The following CRTAM variants were observed in gnomAD, a reference collection of about 807,000 sequenced individuals.
CRTAM encodes cytotoxic and regulatory T cell molecule.
CRTAM carries 44 observed loss-of-function variants against 50.0 expected under a neutral mutation model. The ratio of observed to expected loss-of-function variants is 0.88; its 90% CI spans 0.69 to 1.13. The LOEUF (loss-of-function observed/expected upper bound fraction) is 1.13, where lower values mean the gene tolerates loss of function less well. Ranked by LOEUF, CRTAM falls within the 50% of genes most tolerant of loss-of-function variation. The probability of loss-of-function intolerance (pLI) is 0.00; values close to 1 mark genes in which losing one functional copy is unlikely to be tolerated. For missense variants in CRTAM, 448 were observed against 457.5 expected (o/e 0.98, Z 0.19); for synonymous variants, 159 against 169.3 (o/e 0.94, Z 0.47).
intron 7 of CRTAM, among the ~76,000 whole-genome samples, chr11:122,865,415 T>C (rs1234565527): frequency 3.3e-5 from 5 of 152,156 alleles, no homozygotes; most frequent in African/African-American, 1.2e-4. Flanking sequence ...TCTCTCTTTT[T>C]TTTTTCTGGT....
At chr11:122,861,108 G>A (rs1029171172) in intron 5 of CRTAM, among the ~76,000 whole-genome samples, 1 of 151,928 alleles carries the variant, frequency 6.6e-6, no homozygotes, top group Non-Finnish European at 1.5e-5. Context: ...TCTGGCACCT[G>A]TGTGGTCAGA....
At chr11:122,867,674 C>A in intron 8 of CRTAM, 119 bp downstream of exon 8, 1 of 1,007,462 alleles carries the variant, frequency 9.9e-7, no homozygotes, top group Non-Finnish European at 1.4e-6. Context: ...TTGATAAGTG[C>A]TGTCTCAGAT....
At chr11:122,851,124 G>A (rs1861924317) in intron 2 of CRTAM, among the ~76,000 whole-genome samples, 1 of 152,050 alleles carries the variant, frequency 6.6e-6, no homozygotes, top group Non-Finnish European at 1.5e-5. Flanking sequence ...AATTAGCTGG[G>A]CGTGGTGGAG....
rs757174072 is a variant in CRTAM, at chr11:122,854,102, G to T, written c.490+16G>T. On this transcript the variant is annotated intron_variant, in intron 4 of 9. Coordinates refer to ENST00000227348, the MANE Select transcript of CRTAM (RefSeq NM_019604.4). ...GAAGTGTCCGGTAAGGGGAGAAATG[G>T]TTCTCTTTGTCTTCCTTCCTACTCA... 4 of 1,605,630 alleles carry T rather than the reference G, an allele frequency of 2.5e-6. No homozygotes were observed. The highest frequency in any genetic ancestry group is 2.5e-6 in the Non-Finnish European group (3 of 1,176,990).
intron 1 of CRTAM, among the ~76,000 whole-genome samples, chr11:122,841,233 T>C (rs1269521832): frequency 3.9e-5 from 6 of 152,160 alleles, no homozygotes; most frequent in African/African-American, 1.4e-4. Context: ...AAAACACACT[T>C]TTGCTTAATG....
At chr11:122,870,766 T>C (rs1253211312) in intron 9 of CRTAM, among the ~76,000 whole-genome samples, 1 of 152,240 alleles carries the variant, frequency 6.6e-6, no homozygotes, top group African/African-American at 2.4e-5. Context: ...ATATTGTTTA[T>C]ATAGTAAGAC....
intron 5 of CRTAM, among the ~76,000 whole-genome samples, chr11:122,861,422 T>G (rs11218868): frequency 9.8e-4 from 29 of 29,536 alleles, no homozygotes; most frequent in Admixed American, 2.1e-3. Flanking sequence ...ATATATATAT[T>G]TTTTTTTTTT....
intron 1 of CRTAM, among the ~76,000 whole-genome samples, chr11:122,843,749 GTGGCAATGAGAAGACCC>G (rs1861827329): frequency 6.6e-6 from 1 of 152,210 alleles, no homozygotes; most frequent in African/African-American, 2.4e-5. Flanking sequence ...TTGGTTTCCA[GTGGCAATGAGAAGACCC>G]TGGGGAACTT....
chr11:122,863,335 AAG>A (rs1491029458), intron 6 of CRTAM, among the ~76,000 whole-genome samples: 4 of 90,806 alleles, frequency 4.4e-5, no homozygotes, highest in East Asian at 4.2e-4. Flanking sequence ...GAAAGAAAGA[AAG>A]AAAGAAAGAA....
chr11:122,866,825 G>T (rs1487671654), intron 7 of CRTAM, among the ~76,000 whole-genome samples: 1 of 151,782 alleles, frequency 6.6e-6, no homozygotes, highest in Non-Finnish European at 1.5e-5. Context: ...TGCCCAGGCT[G>T]GTCTCAAACT....
chr11:122,852,487 T>G (rs1248438997), intron 3 of CRTAM, among the ~76,000 whole-genome samples: 13 of 152,228 alleles, frequency 8.5e-5, no homozygotes, highest in African/African-American at 2.4e-5. Flanking sequence ...TTAAAAACAT[T>G]GCTTTTTATT....
intron 1 of CRTAM, among the ~76,000 whole-genome samples, chr11:122,847,763 T>G (rs531836673): frequency 1.3e-5 from 2 of 152,342 alleles, no homozygotes; most frequent in East Asian, 3.9e-4. Context: ...TATTCACATG[T>G]GGCTGTTGGC....
At chr11:122,838,925 T>TTTTA (rs71281632) in intron 1 of CRTAM, among the ~76,000 whole-genome samples, 13,018 of 151,680 alleles carry the variant, frequency 0.086, 802 homozygotes, top group African/African-American at 0.18. Context: ...TTTTATTTTA[T>TTTTA]TTTATTTATT....
At chr11:122,839,645 T>C (rs1454246874) in intron 1 of CRTAM, among the ~76,000 whole-genome samples, 1 of 152,202 alleles carries the variant, frequency 6.6e-6, no homozygotes, top group Non-Finnish European at 1.5e-5. Flanking sequence ...GTGGCTCCTG[T>C]TGTCCCTCAG....
chr11:122,852,451 T>G (rs569243388), intron 3 of CRTAM, among the ~76,000 whole-genome samples: 1 of 152,340 alleles, frequency 6.6e-6, no homozygotes, highest in South Asian at 2.1e-4. Context: ...CTTACTTGTT[T>G]TGTTTTTTGT....
At chr11:122,867,637 C>G in intron 8 of CRTAM, 82 bp downstream of exon 8, 2 of 1,385,702 alleles carry the variant, frequency 1.4e-6, no homozygotes, top group Non-Finnish European at 2.0e-6. Flanking sequence ...TCCATTAAAG[C>G]TTTCTGTCAG....
intron 5 of CRTAM, 81 bp downstream of exon 5, chr11:122,855,937 G>A (rs990020747): frequency 8.7e-7 from 1 of 1,145,232 alleles, no homozygotes; most frequent in South Asian, 1.5e-5. Context: ...AATGCAGTGG[G>A]CAGAGTCCTT....
At chr11:122,862,254 C>T in intron 5 of CRTAM, 1 of 574,806 alleles carries the variant, frequency 1.7e-6, no homozygotes, top group Non-Finnish European at 3.1e-6. Context: ...GCATGCTGTG[C>T]TTTAAGCCAG....
chr11:122,855,422 T>C (rs1247871272), intron 4 of CRTAM, among the ~76,000 whole-genome samples: 1 of 152,246 alleles, frequency 6.6e-6, no homozygotes, highest in Non-Finnish European at 1.5e-5. Context: ...AATAAGGTCT[T>C]GGATCTTTGT....
Sources: allele counts gnomAD v4.1 joint callset (sites outside exome capture counted in the v4.1 genomes callset), GRCh38; gene constraint gnomAD v4.1.1; transcripts MANE v1.5; gene names NCBI Gene and HGNC (gene_info 2026-07-23, HGNC 2026-07-21).